MDN1: variants seen among roughly 807,000 people sequenced by gnomAD.
MDN1 encodes the protein midasin AAA ATPase 1, also known as midasin.
Under a neutral mutation model 669.2 loss-of-function variants are expected in MDN1, and 266 were observed. The ratio of observed to expected loss-of-function variants is 0.40; its 90% CI spans 0.36 to 0.44. The LOEUF is 0.44. MDN1 is among the 20% of genes least tolerant of loss of function. MDN1 has a pLI of 1.00. For synonymous variants in MDN1, 2,385 were observed against 2,457.1 expected (o/e 0.97, Z 0.87); for missense variants, 5,940 against 6,754.0 (o/e 0.88, Z 4.22).
chr6:89,754,597 T>C (rs1055288941), intron 20 of MDN1, among the ~76,000 whole-genome samples: 1 of 152,186 alleles, frequency 6.6e-6, no homozygotes, highest in Non-Finnish European at 1.5e-5. Context: ...AACAAAGACA[T>C]GGCAAACAAC....
Position 89,674,327 on chromosome 6 carries a change from C to T in MDN1, c.13024G>A (p.Gly4342Arg). 6.2e-7 allele frequency: 1 copy of T among 1,614,216 alleles called. No individual in the cohort carries two copies. Among genetic ancestry groups the T allele is most frequent in the Non-Finnish European group, 8.5e-7 (1 of 1,180,042 alleles). The change falls in exon 79 of 102, where the codon GGA (glycine) becomes AGA (arginine). Residue 4342 changes from glycine (G) to arginine (R), a missense_variant. This residue lies in a region of MDN1 where 2,280 missense variants were observed against 2,576.3 expected (regional missense o/e 0.88). Transcript: ENST00000369393. ...PCLEGPELSK[G>R]QLCGVVLDLI... ...TCCAGCACTACTCCACAAAGTTGTC[C>T]CTTGCTAAGTTCTGGTCCTTCCAGG...
rs766226096 is a variant in MDN1 at position 89,725,234 on chromosome 6, C to T, written c.5635G>A (p.Gly1879Ser). Residue 1879 changes from glycine (G) to serine (S), a missense_variant, in exon 38 of 102, where the codon GGC (glycine) becomes AGC (serine). By Grantham distance (56) the Gly-to-Ser change is moderately conservative. Coordinates refer to ENST00000369393, the MANE Select transcript of MDN1 (RefSeq NM_014611.3). ...CTGTTAAGGAAAGACCTGGGCAAGCCTTTCCTCCCACCTCCTTGTCTAAAG... is the reference window on the plus strand; with the variant it reads ...CTGTTAAGGAAAGACCTGGGCAAGCTTTTCCTCCCACCTCCTTGTCTAAAG... ...NPFRQGGGRK[G>S]LPRSFLNRFT... 1.2e-6 allele frequency: 2 copies of T among 1,614,006 alleles called. No homozygotes were observed. The highest frequency in any genetic ancestry group is 8.5e-7 in the Non-Finnish European group (1 of 1,179,952).
At chr6:89,706,230 A>G in intron 52 of MDN1, 38 bp from the exon 53 acceptor site, 1 of 1,587,320 alleles carries the variant, frequency 6.3e-7, no homozygotes, top group Non-Finnish European at 8.6e-7. Flanking sequence ...ACATTTCATC[A>G]GATTTAAAAT....
chr6:89,685,906 CA>C lies in MDN1; in HGVS notation c.11639del (p.Leu3880ArgfsTer20). 6.2e-7 allele frequency: 1 copy of C among 1,614,118 alleles called. No individual in the cohort carries two copies. The highest frequency in any genetic ancestry group is 8.5e-7 in the Non-Finnish European group (1 of 1,180,008). On this transcript the variant is annotated frameshift_variant, in exon 70 of 102. Transcript: ENST00000369393. LOFTEE classifies it high-confidence loss of function. The stretch of plus-strand genomic sequence containing the variant: ...TCTGAAGTCGCACATGGAACTCTCC[CA>C]GCGAGGATCCTTCAATAAATGCTTG... ...TLQAFIEGSS[L>X]GEFHVRLQML...
At chr6:89,676,930 T>C (rs1044442542) in intron 76 of MDN1, among the ~76,000 whole-genome samples, 2 of 141,362 alleles carry the variant, frequency 1.4e-5, no homozygotes, top group African/African-American at 2.6e-5. Flanking sequence ...TGTATGTATA[T>C]AGAGCAACTA....
chr6:89,759,634 C>T (rs1482695872), intron 17 of MDN1, among the ~76,000 whole-genome samples: 9 of 151,952 alleles, frequency 5.9e-5, no homozygotes, highest in African/African-American at 9.7e-5. Flanking sequence ...CGTGGTGGCA[C>T]GCACCCTTAA....
chr6:89,742,760 G>A (rs377494677), intron 31 of MDN1, among the ~76,000 whole-genome samples: 5 of 152,242 alleles, frequency 3.3e-5, no homozygotes, highest in African/African-American at 1.2e-4. Context: ...TAAGAGAGTA[G>A]GGATATAATT....
chr6:89,728,234 T>TA (rs947421061), intron 36 of MDN1, among the ~76,000 whole-genome samples: 72 of 149,104 alleles, frequency 4.8e-4, no homozygotes, highest in Non-Finnish European at 7.5e-4. Context: ...TTGACAGGCT[T>TA]AAAAAAAAAA....
rs573409381 is a variant in MDN1 at position 89,806,235 on chromosome 6, G to A, written c.103-2681C>T. Among the ~76,000 whole-genome samples the A allele has an allele frequency of 4.6e-5, 7 of 152,074 alleles. No homozygotes were observed. The South Asian group carries it at 1.5e-3, about 32-fold the overall frequency. ...TTACAGGTGTGAGCCACTGTGCCCGGCCCCATTTTTTAAATAATAAAGTAA... is the reference window on the plus strand; with the variant it reads ...TTACAGGTGTGAGCCACTGTGCCCGACCCCATTTTTTAAATAATAAAGTAA... On this transcript the variant is annotated intron_variant, in intron 1 of 101. Transcript: ENST00000369393.
Position 89,713,314 on chromosome 6 carries a change from C to A in MDN1, c.7070-18G>T. 6.3e-7 allele frequency: 1 copy of A among 1,598,814 alleles called. No individual in the cohort carries two copies. The highest frequency in any genetic ancestry group is 1.1e-5 in the South Asian group (1 of 89,844). ...TGGAGAACCTATTAAAAAAAAATTG[C>A]CATCTATAAACAATAGAGTCTTTAA... On this transcript the variant is annotated intron_variant, in intron 46 of 101. Coordinates refer to ENST00000369393, the MANE Select transcript of MDN1 (RefSeq NM_014611.3).
chr6:89,676,911 T>A lies in MDN1; in HGVS notation c.12539+659A>T, dbSNP rs142060009. 2.1e-3 allele frequency among the ~76,000 whole-genome samples: 314 copies of A among 151,482 alleles called. 1 individual carries two copies. The highest frequency in any genetic ancestry group is 3.4e-3 in the Non-Finnish European group (230 of 67,912). On this transcript the variant is annotated intron_variant, in intron 76 of 101. Coordinates refer to ENST00000369393, the MANE Select transcript of MDN1 (RefSeq NM_014611.3). Reference sequence around the variant, plus strand: ...GCAAATTCAATAACATATTAGAACTTATGAGGAGTGTATGTATATAGAGCA... The same window carrying A: ...GCAAATTCAATAACATATTAGAACTAATGAGGAGTGTATGTATATAGAGCA...
chr6:89,740,465 AG>A (rs1816233013), intron 31 of MDN1, 87 bp from the exon 32 acceptor site: 1 of 1,283,162 alleles, frequency 7.8e-7, no homozygotes, highest in Admixed American at 3.0e-5. Context: ...GAAAAAAAAA[AG>A]TTATCTTCTT....
chr6:89,744,909 T>C (rs1163894625), intron 29 of MDN1, among the ~76,000 whole-genome samples: 2 of 151,356 alleles, frequency 1.3e-5, no homozygotes, highest in East Asian at 3.9e-4. Context: ...AAGCCATTAT[T>C]TTCCATTAAC....
In MDN1 at chr6:89,699,712, T is replaced by C; in HGVS notation, c.8886A>G (p.Gln2962=). The C allele has an allele frequency of 6.2e-7, 1 of 1,614,024 alleles. No homozygotes were observed. The highest frequency in any genetic ancestry group is 8.5e-7 in the Non-Finnish European group (1 of 1,179,956). ...TTATCTCCTCATTTATCTGGGGTTGTTGATTTTTGCTGCATCTGTTCCAAA... is the reference window on the plus strand; with the variant it reads ...TTATCTCCTCATTTATCTGGGGTTGCTGATTTTTGCTGCATCTGTTCCAAA... ...QACLRRCSKN[Q]QPQINEEISH... is the part of the protein sequence containing the mutation. The change falls in exon 58 of 102, where the codon CAA becomes CAG. Residue 2962 remains glutamine (Q), a synonymous_variant. Coordinates refer to ENST00000369393, the MANE Select transcript of MDN1 (RefSeq NM_014611.3).
rs749728268 is a variant in MDN1 at position 89,753,547 on chromosome 6, T to C, written c.3040A>G (p.Ile1014Val). 6.2e-7 allele frequency: 1 copy of C among 1,613,382 alleles called. No homozygotes were observed. The highest frequency in any genetic ancestry group is 1.1e-5 in the South Asian group (1 of 91,056). ...AGACTCTTGACATTGCCAGGGACAA[T>C]GTGTTGACAGATGAGCTTCTGAACT... ...PIVQKLICQH[I>V]VPGNVKSLLK... is the part of the protein sequence containing the mutation. The change falls in exon 22 of 102, where the codon ATT becomes GTT. Residue 1014 changes from isoleucine to valine, a missense_variant. By Grantham distance (29) the Ile-to-Val change is conservative (BLOSUM62 3). This residue lies in a region of MDN1 where 1,203 missense variants were observed against 1,268.9 expected (regional missense o/e 0.95). Transcript: ENST00000369393.
Position 89,712,141 on chromosome 6 carries a change from A to G in MDN1, c.7546T>C (p.Leu2516=). The G allele has an allele frequency of 6.2e-7, 1 of 1,614,170 alleles. No homozygotes were observed. The highest frequency in any genetic ancestry group is 8.5e-7 in the Non-Finnish European group (1 of 1,179,996). The change falls in exon 49 of 102, where the codon TTG becomes CTG. Residue 2516 remains leucine, a synonymous_variant. Transcript: ENST00000369393. The part of the protein sequence containing the change: ...NTYWIDEPDV[L]VMAVKLLIER... ...ATGAGCAATTTAACAGCCATGACCA[A>G]AACATCTGGTTCATCGATCCAGTAA...
rs888054240 is a variant in MDN1, at chr6:89,657,972, A to G, written c.15183+237T>C. 4.1e-4 allele frequency among the ~76,000 whole-genome samples: 62 copies of G among 152,248 alleles called. 1 individual carries two copies. Among genetic ancestry groups the G allele is most frequent in the African/African-American group, 1.3e-3 (54 of 41,468 alleles). On this transcript the variant is annotated intron_variant, in intron 90 of 101. Transcript: ENST00000369393. ...TGTAAGTACACGCTATGGTGTTCGC[A>G]CAATGACGAAATTGCTGAATGAGGC... is the stretch of plus-strand genomic sequence containing the variant.
intron 79 of MDN1, among the ~76,000 whole-genome samples, 154 bp downstream of exon 79, chr6:89,673,950 C>A (rs73752802): frequency 1.3e-5 from 2 of 150,328 alleles, no homozygotes; most frequent in Non-Finnish European, 2.9e-5. Context: ...ATCCCCACCC[C>A]ACCCCATCCC....
chr6:89,798,674 T>G (rs578013160), intron 2 of MDN1, among the ~76,000 whole-genome samples: 2 of 152,210 alleles, frequency 1.3e-5, no homozygotes, highest in African/African-American at 4.8e-5. Context: ...GATGACTGCA[T>G]ATATTGATGA....
Sources: allele counts gnomAD v4.1 joint callset (sites outside exome capture counted in the v4.1 genomes callset), GRCh38; gene constraint gnomAD v4.1.1; regional missense constraint gnomAD v4.1.1; transcripts MANE v1.5; gene names NCBI Gene and HGNC (gene_info 2026-07-23, HGNC 2026-07-21).